Variants in SLCO5A1 observed in about 807,000 individuals in gnomAD.
SLCO5A1 encodes the protein solute carrier organic anion transporter family member 5A1, also known as organic anion transporter polypeptide-related protein 4.
A neutral mutation model predicts 65.1 loss-of-function variants in SLCO5A1; 39 were observed. The observed-to-expected ratio is 0.60, with a 90% confidence interval of 0.46 to 0.78. The LOEUF (loss-of-function observed/expected upper bound fraction) is 0.78, where lower values mean the gene tolerates loss of function less well. SLCO5A1 is among the 30% of genes least tolerant of loss of function. SLCO5A1 has a pLI of 0.00. For missense variants in SLCO5A1, 1,029 were observed against 1,069.4 expected (o/e 0.96, Z 0.53); for synonymous variants, 438 against 415.7 (o/e 1.05, Z -0.65).
intron 2 of SLCO5A1, among the ~76,000 whole-genome samples, chr8:69,823,251 G>C (rs1002328446): frequency 6.6e-6 from 1 of 152,124 alleles, no homozygotes; most frequent in Non-Finnish European, 1.5e-5. Flanking sequence ...ATAAAGACAG[G>C]ATCAAAGTCA....
chr8:69,720,623 C>T (rs1044286696), intron 5 of SLCO5A1, among the ~76,000 whole-genome samples: 1 of 152,186 alleles, frequency 6.6e-6, no homozygotes, highest in Non-Finnish European at 1.5e-5. Context: ...CCCATTGGAA[C>T]AAGAGAAAAC....
At chr8:69,687,265 G>A (rs1054896158) in intron 6 of SLCO5A1, among the ~76,000 whole-genome samples, 2 of 152,122 alleles carry the variant, frequency 1.3e-5, no homozygotes, top group African/African-American at 4.8e-5. Flanking sequence ...TTTCGTCTAT[G>A]GCTATTAAAT....
chr8:69,771,156 G>T (rs1818304258), intron 2 of SLCO5A1, among the ~76,000 whole-genome samples: 1 of 151,870 alleles, frequency 6.6e-6, no homozygotes, highest in Non-Finnish European at 1.5e-5. Flanking sequence ...GGCTAATTTT[G>T]TATTTTCAGT....
intron 4 of SLCO5A1, among the ~76,000 whole-genome samples, chr8:69,738,798 A>G (rs1231896345): frequency 6.6e-6 from 1 of 152,212 alleles, no homozygotes; most frequent in Non-Finnish European, 1.5e-5. Flanking sequence ...AGATCTCCAA[A>G]GAGGAAGGAG....
intron 5 of SLCO5A1, among the ~76,000 whole-genome samples, chr8:69,722,132 C>T: frequency 6.6e-6 from 1 of 152,176 alleles, no homozygotes; most frequent in East Asian, 1.9e-4. Flanking sequence ...AGATCTACCA[C>T]TGCTCTGCAG....
intron 4 of SLCO5A1, among the ~76,000 whole-genome samples, chr8:69,738,472 A>G (rs886302257): frequency 2.6e-5 from 4 of 152,130 alleles, no homozygotes; most frequent in African/African-American, 9.7e-5. Flanking sequence ...TATAAGCAGT[A>G]CCCAACTGAT....
At chr8:69,680,828 A>G (rs1813737454) in intron 7 of SLCO5A1, among the ~76,000 whole-genome samples, 1 of 152,202 alleles carries the variant, frequency 6.6e-6, no homozygotes. Context: ...CCATGGATGT[A>G]ACTTGGCTAC....
chr8:69,787,318 G>A lies in SLCO5A1; in HGVS notation c.908-25443C>T, dbSNP rs181738481. Reference sequence around the variant, plus strand: ...AACTTTCTCTTTATGCCACATGATCGTTGCAATTGAGTAGTGTCCGGCCAC... The same window carrying A: ...AACTTTCTCTTTATGCCACATGATCATTGCAATTGAGTAGTGTCCGGCCAC... On this transcript the variant is annotated intron_variant, in intron 2 of 9. Transcript: ENST00000260126. Among the ~76,000 whole-genome samples the A allele has an allele frequency of 3.5e-3, 538 of 152,274 alleles. 2 individuals are homozygous for A. Among genetic ancestry groups the A allele is most frequent in the African/African-American group, 0.012 (517 of 41,542 alleles).
intron 2 of SLCO5A1, among the ~76,000 whole-genome samples, chr8:69,782,622 T>C (rs1563721353): frequency 1.3e-5 from 2 of 151,540 alleles, no homozygotes; most frequent in Non-Finnish European, 2.9e-5. Context: ...ATTTTTGTTA[T>C]CTGACAATAA....
chr8:69,808,739 G>A lies in SLCO5A1; in HGVS notation c.907+23028C>T, dbSNP rs1463494492. ...TCTGTCTTTAAGTCTTTAAAGAATC[G>A]CCATGATGTGTGAGATTTTAATGGA... On this transcript the variant is annotated intron_variant, in intron 2 of 9. Coordinates refer to ENST00000260126, the MANE Select transcript of SLCO5A1 (RefSeq NM_030958.3). 5.3e-5 allele frequency among the ~76,000 whole-genome samples: 8 copies of A among 152,092 alleles called. No individual in the cohort carries two copies. The East Asian group carries it at 1.2e-3, about 22-fold the overall frequency.
chr8:69,784,202 TAGA>T (rs1818916273), intron 2 of SLCO5A1, among the ~76,000 whole-genome samples: 1 of 152,148 alleles, frequency 6.6e-6, no homozygotes. Flanking sequence ...ATTCAATAAT[TAGA>T]AGATTAAAAC....
intron 5 of SLCO5A1, among the ~76,000 whole-genome samples, chr8:69,728,801 G>A (rs1334456367): frequency 6.6e-6 from 1 of 151,702 alleles, no homozygotes; most frequent in Admixed American, 6.6e-5. Flanking sequence ...ATCAGAAAAG[G>A]TAAGTAATAA....
intron 3 of SLCO5A1, 113 bp from the exon 4 acceptor site, chr8:69,755,754 C>G (rs1489431505): frequency 1.2e-6 from 1 of 844,954 alleles, no homozygotes; most frequent in African/African-American, 1.7e-5. Context: ...TTTTTGTAAT[C>G]AACTGTAAAG....
At chr8:69,815,476 G>T (rs1249388311) in intron 2 of SLCO5A1, among the ~76,000 whole-genome samples, 1 of 151,902 alleles carries the variant, frequency 6.6e-6, no homozygotes, top group African/African-American at 2.4e-5. Context: ...AAAACTCTAG[G>T]TCTTATAACT....
intron 4 of SLCO5A1, 75 bp downstream of exon 4, chr8:69,755,349 A>G: frequency 1.6e-6 from 2 of 1,238,458 alleles, no homozygotes; most frequent in Non-Finnish European, 2.3e-6. Context: ...GGTAGACAGC[A>G]TGGGCCTGGG....
chr8:69,800,599 T>C (rs188400706), intron 2 of SLCO5A1, among the ~76,000 whole-genome samples: 1 of 152,280 alleles, frequency 6.6e-6, no homozygotes, highest in Admixed American at 6.5e-5. Flanking sequence ...CTTTGATTCA[T>C]TGGGATTTCT....
chr8:69,700,788 G>A (rs1016700374), intron 6 of SLCO5A1, among the ~76,000 whole-genome samples: 1 of 151,568 alleles, frequency 6.6e-6, no homozygotes, highest in Admixed American at 6.6e-5. Flanking sequence ...AGCCACCTTG[G>A]CAATCAAATG....
chr8:69,676,588 C>T (rs1354137880), intron 9 of SLCO5A1, 21 bp downstream of exon 9: 1 of 1,608,002 alleles, frequency 6.2e-7, no homozygotes, highest in South Asian at 1.1e-5. Flanking sequence ...AAGAGGTACA[C>T]TTGGAAATTC....
chr8:69,673,975 G>C (rs557528781), intron 9 of SLCO5A1, among the ~76,000 whole-genome samples: 1 of 152,182 alleles, frequency 6.6e-6, no homozygotes, highest in Non-Finnish European at 1.5e-5. Context: ...TCGTTGTCTG[G>C]GCTATGACAT....
Sources: allele counts gnomAD v4.1 joint callset (sites outside exome capture counted in the v4.1 genomes callset), GRCh38; gene constraint gnomAD v4.1.1; transcripts MANE v1.5; gene names NCBI Gene and HGNC (gene_info 2026-07-23, HGNC 2026-07-21).